Variants in COL6A6 observed in about 807,000 individuals in gnomAD.
COL6A6 encodes collagen alpha-6(VI) chain.
In COL6A6, 183 loss-of-function variants were observed where a neutral mutation model predicts 208.6. That is an observed-to-expected ratio of 0.88 (90% CI 0.78 to 0.99). The LOEUF (loss-of-function observed/expected upper bound fraction) is 0.99, where lower values mean the gene tolerates loss of function less well. Among genes scored for constraint, COL6A6 ranks in the 50% least tolerant of loss-of-function variants. The probability of loss-of-function intolerance (pLI) is 0.00; values close to 1 mark genes in which losing one functional copy is unlikely to be tolerated. For missense variants in COL6A6, 2,816 were observed against 2,815.2 expected, an observed-to-expected ratio of 1.00 and a Z score of -0.01; for synonymous variants, 973 against 1,011.8, an observed-to-expected ratio of 0.96 and a Z score of 0.73.
chr3:130,567,947 C>T (rs747118235), intron 5 of COL6A6, 100 bp from the exon 6 acceptor site: 8 of 768,458 alleles, frequency 1.0e-5, no homozygotes, highest in Middle Eastern at 3.1e-4. Flanking sequence ...ACTAAGTACA[C>T]ATGTCAATAT....
chr3:130,671,454 G>A (rs1053022332), intron 36 of COL6A6, among the ~76,000 whole-genome samples: 1 of 152,188 alleles, frequency 6.6e-6, no homozygotes, highest in South Asian at 2.1e-4. Context: ...TCAGCAAATG[G>A]CTGGGGCATC....
intron 23 of COL6A6, among the ~76,000 whole-genome samples, chr3:130,618,653 C>T (rs2064610250): frequency 6.6e-6 from 1 of 152,240 alleles, no homozygotes; most frequent in South Asian, 2.1e-4. Flanking sequence ...TAACCATTCA[C>T]TGAGGCTTGA....
chr3:130,551,233 C>T (rs1435432071), intron 1 of COL6A6, among the ~76,000 whole-genome samples: 1 of 151,952 alleles, frequency 6.6e-6, no homozygotes, highest in African/African-American at 2.4e-5. Context: ...GAAATAGTTT[C>T]AGTAGGAATA....
intron 1 of COL6A6, among the ~76,000 whole-genome samples, chr3:130,530,796 A>G (rs914672583): frequency 6.6e-6 from 1 of 152,142 alleles, no homozygotes; most frequent in African/African-American, 2.4e-5. Context: ...TCAGTAATGC[A>G]TGTGGGCCTC....
At chr3:130,648,420 C>T (rs1235167457) in intron 32 of COL6A6, among the ~76,000 whole-genome samples, 6 of 152,198 alleles carry the variant, frequency 3.9e-5, no homozygotes, top group Non-Finnish European at 8.8e-5. Flanking sequence ...TCATTTAATG[C>T]TCACCTCAGG....
rs754326982 is a variant in COL6A6, at chr3:130,664,999, C to T, written c.6503-4C>T. The stretch of plus-strand genomic sequence containing the variant: ...AAGACTTATCACAGACTTTTCTCTT[C>T]TAGGTGCAATCAACAAATATCCACC... On this transcript the variant is annotated splice_polypyrimidine_tract_variant and splice_region_variant and intron_variant, in intron 35 of 36. Coordinates refer to ENST00000358511, the MANE Select transcript of COL6A6 (RefSeq NM_001102608.3). The T allele has an allele frequency of 3.2e-6, 5 of 1,576,522 alleles. No individual in the cohort carries two copies. The highest frequency in any genetic ancestry group is 4.3e-6 in the Non-Finnish European group (5 of 1,152,908).
rs1031514764 is a variant in COL6A6 at position 130,663,053 on chromosome 3, C to T, written c.6502+745C>T. 2.0e-5 allele frequency among the ~76,000 whole-genome samples: 3 copies of T among 152,298 alleles called. No individual in the cohort carries two copies. The South Asian group carries it at 6.2e-4, about 32-fold the overall frequency. ...CGTTTTCATGGTAAATGATCCCTTGCAGTCCAGATACAGAAAAATGAACAC... is the reference window on the plus strand; with the variant it reads ...CGTTTTCATGGTAAATGATCCCTTGTAGTCCAGATACAGAAAAATGAACAC... On this transcript the variant is annotated intron_variant, in intron 35 of 36. Coordinates refer to ENST00000358511, the MANE Select transcript of COL6A6 (RefSeq NM_001102608.3).
At chr3:130,587,796 A>T (rs1490471940) in intron 11 of COL6A6, among the ~76,000 whole-genome samples, 1 of 152,238 alleles carries the variant, frequency 6.6e-6, no homozygotes, top group Non-Finnish European at 1.5e-5. Flanking sequence ...TGTAAAAATA[A>T]TTACATATAG....
rs1053615685 is a variant in COL6A6, at chr3:130,673,073, C to A, written c.6597-2129C>A. ...GGGTGCCTGTAATCCCAGCTACTCA[C>A]GAGGCTGAGGTAGAAGAATTGCTTG... On this transcript the variant is annotated intron_variant, in intron 36 of 36. Coordinates refer to ENST00000358511, the MANE Select transcript of COL6A6 (RefSeq NM_001102608.3). 2.2e-5 allele frequency among the ~76,000 whole-genome samples: 3 copies of A among 139,328 alleles called. No individual in the cohort carries two copies. In the East Asian group the frequency reaches 6.3e-4, roughly 29 times the overall value. The allele number at this position is 139,328 out of a possible 152,430, so 91.4% of individuals were successfully genotyped here.
At chr3:130,651,943 T>C (rs552856177) in intron 33 of COL6A6, among the ~76,000 whole-genome samples, 1 of 152,338 alleles carries the variant, frequency 6.6e-6, no homozygotes, top group East Asian at 1.9e-4. Context: ...TTCTTGATTC[T>C]ACTCAAATCT....
At chr3:130,663,334 C>T (rs77999646) in intron 35 of COL6A6, among the ~76,000 whole-genome samples, 3,621 of 152,162 alleles carry the variant, frequency 0.024, 126 homozygotes, top group East Asian at 0.1. Context: ...TAGGACCCAA[C>T]CCAGTCATTC....
intron 36 of COL6A6, among the ~76,000 whole-genome samples, chr3:130,669,556 A>G (rs186114094): frequency 2.0e-5 from 3 of 152,144 alleles, no homozygotes; most frequent in Non-Finnish European, 4.4e-5. Flanking sequence ...AGGATGCACC[A>G]GAAGTCATGA....
rs78974687 is a variant in COL6A6, at chr3:130,573,879, A to G, written c.2978-77A>G. 2.6e-3 allele frequency: 2,945 copies of G among 1,118,764 alleles called. 55 individuals carry two copies. In the African/African-American group the frequency reaches 0.041, roughly 16 times the overall value. 69.3% of individuals were successfully genotyped at this position (1,118,764 alleles called of 1,614,324 possible). On this transcript the variant is annotated intron_variant, in intron 7 of 36. Coordinates refer to ENST00000358511, the MANE Select transcript of COL6A6 (RefSeq NM_001102608.3). Reference sequence around the variant, plus strand: ...CCACCGCGCCCGGCCTATAGCTGCAAACATTGAATTTACTCTTGGTGGATT... The same window carrying G: ...CCACCGCGCCCGGCCTATAGCTGCAGACATTGAATTTACTCTTGGTGGATT...
intron 1 of COL6A6, among the ~76,000 whole-genome samples, chr3:130,538,766 A>G (rs2062284272): frequency 6.6e-6 from 1 of 152,162 alleles, no homozygotes; most frequent in Non-Finnish European, 1.5e-5. Flanking sequence ...AGTATTGCCA[A>G]GTCATTTTCA....
chr3:130,536,305 T>G (rs2107728367), intron 1 of COL6A6, among the ~76,000 whole-genome samples: 1 of 152,352 alleles, frequency 6.6e-6, no homozygotes, highest in East Asian at 1.9e-4. Context: ...TCTCTTTTCA[T>G]TCTTTCATCC....
chr3:130,621,724 T>C, intron 23 of COL6A6, 97 bp from the exon 24 acceptor site: 2 of 995,616 alleles, frequency 2.0e-6, no homozygotes, highest in Admixed American at 2.2e-5. Context: ...ATAACTCTTC[T>C]CTCGTCTGTG....
chr3:130,529,501 A>G (rs2062035034), intron 1 of COL6A6, among the ~76,000 whole-genome samples: 2 of 152,262 alleles, frequency 1.3e-5, no homozygotes, highest in South Asian at 2.1e-4. Flanking sequence ...CAGGCAACCT[A>G]TTGTGACTTA....
intron 1 of COL6A6, among the ~76,000 whole-genome samples, chr3:130,556,038 C>G (rs2062761209): frequency 6.6e-6 from 1 of 152,060 alleles, no homozygotes; most frequent in Non-Finnish European, 1.5e-5. Flanking sequence ...CCCCTGCAAC[C>G]CTCCTGCCCT....
chr3:130,531,707 G>T (rs2062100851), intron 1 of COL6A6, among the ~76,000 whole-genome samples: 1 of 152,130 alleles, frequency 6.6e-6, no homozygotes, highest in South Asian at 2.1e-4. Context: ...CCCCTTGAAG[G>T]CAGGGGCAGC....
Sources: gnomAD v4.1 joint callset for allele counts (sites outside exome capture counted in the v4.1 genomes callset) on GRCh38, gnomAD v4.1.1 for gene constraint, MANE v1.5 for transcripts, NCBI Gene and HGNC (gene_info 2026-07-23, HGNC 2026-07-21) for gene names.